The following ZNF385D variants were observed in gnomAD, a reference collection of about 807,000 sequenced individuals.
The protein encoded by ZNF385D is zinc finger protein 385D.
In ZNF385D, 15 loss-of-function variants were observed where a neutral mutation model predicts 35.8. The ratio of observed to expected loss-of-function variants is 0.42; its 90% CI spans 0.28 to 0.64. ZNF385D has a LOEUF of 0.64. Among genes scored for constraint, ZNF385D ranks in the 30% least tolerant of loss-of-function variants. The pLI, the probability that ZNF385D is intolerant of heterozygous loss-of-function variation, is 0.23. For synonymous variants in ZNF385D, 212 were observed against 186.8 expected (o/e 1.13, Z -1.10); for missense variants, 474 against 494.6 (o/e 0.96, Z 0.39).
chr3:22,331,997 T>C (rs1432264427), intron 2 of ZNF385D, among the ~76,000 whole-genome samples: 1 of 152,160 alleles, frequency 6.6e-6, no homozygotes, highest in African/African-American at 2.4e-5. Flanking sequence ...TAGTTTCAAG[T>C]AATATAGAAG....
chr3:21,901,045 T>C (rs1331492390), intron 3 of ZNF385D, among the ~76,000 whole-genome samples: 1 of 152,220 alleles, frequency 6.6e-6, no homozygotes, highest in Non-Finnish European at 1.5e-5. Context: ...ATGATGATAA[T>C]AAACATCATA....
chr3:22,222,321 C>T (rs1698308456), intron 2 of ZNF385D, among the ~76,000 whole-genome samples: 1 of 150,906 alleles, frequency 6.6e-6, no homozygotes, highest in South Asian at 2.1e-4. Context: ...CACCCAGCCC[C>T]AAATTTCAAA....
In ZNF385D at chr3:21,665,789, T is replaced by C. The variant is rs556915940; in HGVS notation, c.23-761A>G. Among the ~76,000 whole-genome samples the C allele has an allele frequency of 5.9e-5, 9 of 152,288 alleles. No homozygotes were observed. In the South Asian group the frequency reaches 6.2e-4, roughly 11 times the overall value. Reference sequence around the variant, plus strand: ...GAGAGCACATACATTTGCCCCGTTATAGGACTCTGCCACACTCAGGAGCTG... The same window carrying C: ...GAGAGCACATACATTTGCCCCGTTACAGGACTCTGCCACACTCAGGAGCTG... On this transcript the variant is annotated intron_variant, in intron 1 of 7. Transcript: ENST00000281523.
At chr3:22,346,265 G>T (rs941195774) in intron 2 of ZNF385D, among the ~76,000 whole-genome samples, 3 of 138,944 alleles carry the variant, frequency 2.2e-5, no homozygotes, top group African/African-American at 3.5e-5. Context: ...TTTCCTCAAA[G>T]AAATATTCAT....
At chr3:21,724,714 A>G (rs564928266) in intron 1 of ZNF385D, among the ~76,000 whole-genome samples, 8 of 152,120 alleles carry the variant, frequency 5.3e-5, no homozygotes, top group African/African-American at 1.9e-4. Context: ...AGAGACTTAA[A>G]CTCCCACACA....
intron 2 of ZNF385D, among the ~76,000 whole-genome samples, chr3:21,656,480 C>G (rs995191493): frequency 2.0e-5 from 3 of 151,918 alleles, no homozygotes; most frequent in East Asian, 1.9e-4. Flanking sequence ...ATGCAAGTCT[C>G]TGTGTGCAAA....
intron 3 of ZNF385D, among the ~76,000 whole-genome samples, chr3:22,026,784 T>C (rs563310473): frequency 4.3e-4 from 66 of 152,268 alleles, no homozygotes; most frequent in Middle Eastern, 3.4e-3. Context: ...CCTGGAGGGA[T>C]TGAGAACATT....
chr3:22,194,113 C>A (rs2728990), intron 2 of ZNF385D, among the ~76,000 whole-genome samples: 1 of 151,746 alleles, frequency 6.6e-6, no homozygotes, highest in Non-Finnish European at 1.5e-5. Context: ...AATGGTAACA[C>A]AGAAGAATTA....
intron 1 of ZNF385D, among the ~76,000 whole-genome samples, chr3:21,732,194 T>G (rs946280343): frequency 1.3e-5 from 2 of 151,536 alleles, no homozygotes; most frequent in South Asian, 2.1e-4. Context: ...GGATTACAGG[T>G]GCCTGCCACC....
chr3:21,684,560 T>C lies in ZNF385D; in HGVS notation c.23-19532A>G, dbSNP rs551552098. On this transcript the variant is annotated intron_variant, in intron 1 of 7. Transcript: ENST00000281523. ...CCCAAATTCATAAAAGTTCAAAAAATACCCTCAATAGTTAAGTATTATAAA... is the reference window on the plus strand; with the variant it reads ...CCCAAATTCATAAAAGTTCAAAAAACACCCTCAATAGTTAAGTATTATAAA... Among the ~76,000 whole-genome samples the C allele has an allele frequency of 3.9e-5, 6 of 152,048 alleles. No individual in the cohort carries two copies. In the East Asian group the frequency reaches 1.2e-3, roughly 29 times the overall value.
In ZNF385D at chr3:21,878,572, T is replaced by C. The variant is rs190967776; in HGVS notation, c.326-213544A>G. Among the ~76,000 whole-genome samples the C allele has an allele frequency of 6.4e-4, 98 of 152,228 alleles. No homozygotes were observed. In the East Asian group the frequency reaches 0.014, roughly 22 times the overall value. On this transcript the variant is annotated intron_variant, in intron 3 of 5. Transcript: ENST00000494108. ...AACTTTTATTTTAACAGCTGCATAG[T>C]ATTCCACTACATGACTGCACATGTA...
At chr3:22,008,310 G>C (rs1486578177) in intron 3 of ZNF385D, among the ~76,000 whole-genome samples, 1 of 151,110 alleles carries the variant, frequency 6.6e-6, no homozygotes, top group Non-Finnish European at 1.5e-5. Context: ...TAGAACAAAA[G>C]GCAAAGTTCA....
chr3:22,242,955 A>G (rs529840690), intron 2 of ZNF385D, among the ~76,000 whole-genome samples: 2 of 151,006 alleles, frequency 1.3e-5, no homozygotes, highest in Non-Finnish European at 1.5e-5. Context: ...CTACATGTAA[A>G]TGTTAATGAC....
intron 4 of ZNF385D, among the ~76,000 whole-genome samples, chr3:21,463,274 A>G (rs1266436896): frequency 2.7e-5 from 4 of 148,010 alleles, no homozygotes; most frequent in Non-Finnish European, 4.6e-5. Flanking sequence ...TGGCTTTTAT[A>G]AAAAAAAATA....
chr3:22,001,826 T>G (rs1185956615), intron 3 of ZNF385D, among the ~76,000 whole-genome samples: 1 of 151,578 alleles, frequency 6.6e-6, no homozygotes, highest in Non-Finnish European at 1.5e-5. Flanking sequence ...TAAATGAAAA[T>G]TAAACATATT....
intron 3 of ZNF385D, among the ~76,000 whole-genome samples, chr3:22,136,094 G>A (rs1006967254): frequency 2.6e-5 from 4 of 152,062 alleles, no homozygotes; most frequent in Non-Finnish European, 4.4e-5. Flanking sequence ...AGGATAATCC[G>A]TATAAGAGGC....
At chr3:22,205,232 G>A (rs1014324642) in intron 2 of ZNF385D, among the ~76,000 whole-genome samples, 17 of 151,388 alleles carry the variant, frequency 1.1e-4, no homozygotes, top group African/African-American at 3.9e-4. Context: ...AATGCCGAAG[G>A]AAAAAATATT....
chr3:21,731,710 A>G (rs1178924941), intron 1 of ZNF385D, among the ~76,000 whole-genome samples: 1 of 152,166 alleles, frequency 6.6e-6, no homozygotes, highest in Non-Finnish European at 1.5e-5. Flanking sequence ...TGTATTTTGA[A>G]TATGAATTTG....
chr3:21,949,781 C>A (rs762311164), intron 3 of ZNF385D, among the ~76,000 whole-genome samples: 2 of 152,016 alleles, frequency 1.3e-5, no homozygotes, highest in Admixed American at 6.6e-5. Context: ...TGTTCGACTC[C>A]CACTTGTGAG....
Sources: gnomAD v4.1 joint callset for allele counts (sites outside exome capture counted in the v4.1 genomes callset) on GRCh38, gnomAD v4.1.1 for gene constraint, MANE v1.5 for transcripts, NCBI Gene and HGNC (gene_info 2026-07-23, HGNC 2026-07-21) for gene names.